The following PPAN variants were observed in gnomAD, a reference collection of about 807,000 sequenced individuals.
PPAN encodes the protein peter pan homolog.
Under a neutral mutation model 48.5 loss-of-function variants are expected in PPAN, and 39 were observed. The observed-to-expected ratio is 0.80, with a 90% CI of 0.62 to 1.05. The LOEUF (loss-of-function observed/expected upper bound fraction) is 1.05, where lower values mean the gene tolerates loss of function less well. PPAN is among the 50% of genes least tolerant of loss of function. The pLI, the probability that PPAN is intolerant of heterozygous loss-of-function variation, is 0.00. For synonymous variants in PPAN, 315 were observed against 268.6 expected, an observed-to-expected ratio of 1.17 and a Z score of -1.69; for missense variants, 736 against 661.7, an observed-to-expected ratio of 1.11 and a Z score of -1.23.
At chr19:10,108,266 C>A in intron 5 of PPAN, 132 bp downstream of exon 5, 1 of 1,327,710 alleles carries the variant, frequency 7.5e-7, no homozygotes. Context: ...GTCCTGAGGT[C>A]AAATCCCACT....
rs1374689622 is a variant in PPAN at position 10,110,960 on chromosome 19, C to G, written c.1217C>G (p.Ala406Gly). 6.2e-7 allele frequency: 1 copy of G among 1,613,394 alleles called. No individual in the cohort carries two copies. Among genetic ancestry groups the G allele is most frequent in the Admixed American group, 1.7e-5 (1 of 59,996 alleles). ...EAPSEDLFPE[A>G]KQKRLAKSPG... ...CTCCCCACAGACCTGTTCCCCGAGG[C>G]CAAGCAGAAACGGCTTGCCAAGTCT... Residue 406 changes from alanine (A) to glycine (G), a missense_variant, in exon 12 of 12, where the codon GCC becomes GGC. By Grantham distance (60) the Ala-to-Gly change is moderately conservative. Transcript: ENST00000253107. This position sits in a 1 kb window ranked among gnomAD's most constrained non-coding sequence, Gnocchi z 5.9.
chr19:10,109,877 T>G (rs1409058077), intron 6 of PPAN, 36 bp from the exon 7 acceptor site: 1 of 1,610,650 alleles, frequency 6.2e-7, no homozygotes, highest in Admixed American at 1.7e-5. Flanking sequence ...ACGTGCCCCC[T>G]GACCACCCCC....
chr19:10,107,374 C>A, intron 2 of PPAN, 131 bp from the exon 3 acceptor site: 1 of 888,168 alleles, frequency 1.1e-6, no homozygotes. Flanking sequence ...AGGCTAAGAT[C>A]CTTTTGCTCC....
rs1333941977 is a variant in PPAN at position 10,111,756 on chromosome 19, G to A, written c.*591G>A. On this transcript the variant is annotated 3_prime_UTR_variant, in exon 12 of 12. Transcript: ENST00000253107. ...AACGTCTCGGGTAAGGAGAAGGCATGTTGGCTGTCTCTGGGGGTCTGCAGA... is the reference window on the plus strand; with the variant it reads ...AACGTCTCGGGTAAGGAGAAGGCATATTGGCTGTCTCTGGGGGTCTGCAGA... The A allele has an allele frequency of 1.2e-6, 2 of 1,613,358 alleles. No individual in the cohort carries two copies. The highest frequency in any genetic ancestry group is 1.3e-5 in the African/African-American group (1 of 74,884).
Position 10,111,734 on chromosome 19 carries a change from G to GTC in PPAN, c.*572_*573dup. The GTC allele has an allele frequency of 6.2e-7, 1 of 1,613,656 alleles. No individual in the cohort carries two copies. Among genetic ancestry groups the GTC allele is most frequent in the South Asian group, 1.1e-5 (1 of 91,062 alleles). ...TCGGCACGGGAGCATGGCAGCCAAC[G>GTC]TCTCGGGTAAGGAGAAGGCATGTTG... On this transcript the variant is annotated 3_prime_UTR_variant, in exon 12 of 12. Coordinates refer to ENST00000253107, the MANE Select transcript of PPAN (RefSeq NM_020230.7).
chr19:10,109,660 C>G lies in PPAN; in HGVS notation c.543C>G (p.Leu181=). The change falls in exon 6 of 12, where the codon CTC becomes CTG. Residue 181 remains leucine, a synonymous_variant. Transcript: ENST00000253107. ...KVNLNTIKRC[L]LIDYNPDSQE... ...ACCTGAACACCATCAAGCGCTGCCTCCTCATCGACTACAACCCCGACTCCC... is the reference window on the plus strand; with the variant it reads ...ACCTGAACACCATCAAGCGCTGCCTGCTCATCGACTACAACCCCGACTCCC... The G allele has an allele frequency of 6.2e-7, 1 of 1,614,052 alleles. No individual in the cohort carries two copies. Among genetic ancestry groups the G allele is most frequent in the Non-Finnish European group, 8.5e-7 (1 of 1,179,968 alleles).
In PPAN at chr19:10,111,795, G is replaced by T; in HGVS notation, c.*630G>T. Reference sequence around the variant, plus strand: ...GGGGTCTGCAGATTGTCAGGAGGTGGGGGTAGTGGGTATTGGTAAAACACC... The same window carrying T: ...GGGGTCTGCAGATTGTCAGGAGGTGTGGGTAGTGGGTATTGGTAAAACACC... On this transcript the variant is annotated 3_prime_UTR_variant, in exon 12 of 12. Transcript: ENST00000253107. 6.2e-7 allele frequency: 1 copy of T among 1,602,722 alleles called. No individual in the cohort carries two copies. Among genetic ancestry groups the T allele is most frequent in the Non-Finnish European group, 8.5e-7 (1 of 1,171,004 alleles).
In PPAN at chr19:10,111,654, C is replaced by A; in HGVS notation, c.*489C>A. On this transcript the variant is annotated 3_prime_UTR_variant, in exon 12 of 12. Transcript: ENST00000253107. ...TGGGGCTGGGGCAGGGCCCACTAAG[C>A]CACTGGTGACTGGGGGAGGGGCTGG... 1 of 1,604,808 alleles carries A rather than the reference C, an allele frequency of 6.2e-7. No homozygotes were observed. The highest frequency in any genetic ancestry group is 8.5e-7 in the Non-Finnish European group (1 of 1,172,918).
rs771311208 is a variant in PPAN at position 10,110,630 on chromosome 19, G to A, written c.1031+16G>A. Reference sequence around the variant, plus strand: ...AGGCCCACAGGTCCAGGCAGAGCTGGGAAGGGCAGGGCCAAGGGGGGGTCC... The same window carrying A: ...AGGCCCACAGGTCCAGGCAGAGCTGAGAAGGGCAGGGCCAAGGGGGGGTCC... On this transcript the variant is annotated intron_variant, in intron 10 of 11. Transcript: ENST00000253107. The surrounding 1 kb of genome is among the most constrained non-coding windows in gnomAD (Gnocchi z 5.9). The A allele has an allele frequency of 3.1e-6, 5 of 1,608,904 alleles. No individual in the cohort carries two copies. The South Asian group carries it at 5.5e-5, about 18-fold the overall frequency.
Position 10,108,217 on chromosome 19 carries a change from C to T in PPAN, c.513+83C>T, listed in dbSNP as rs538392868. 8.6e-6 allele frequency: 13 copies of T among 1,512,484 alleles called. No homozygotes were observed. The African/African-American group carries it at 1.7e-4, about 19-fold the overall frequency. 93.7% of individuals were successfully genotyped at this position (1,512,484 alleles called of 1,614,324 possible). The stretch of plus-strand genomic sequence containing the variant: ...CAGGCCCTCAGATGGATTGCTCACT[C>T]CTCCCAGCGCTGAGACTGGGAGCTC... On this transcript the variant is annotated intron_variant, in intron 5 of 11. Transcript: ENST00000253107.
At chr19:10,106,356 A>G (rs1294183220), upstream of PPAN, 5 of 1,548,858 alleles carry the variant, frequency 3.2e-6, no homozygotes, top group African/African-American at 1.4e-5. Context: ...CAGCGCCGGA[A>G]GCGGCGGACG....
Position 10,106,565 on chromosome 19 carries a change from A to C in PPAN, c.83A>C (p.Asn28Thr). ...CGCAACCTCGAGGCCTATGCCGCGA[A>C]CCCGCACTCGTTCGTGTTCACGCGA... is the stretch of plus-strand genomic sequence containing the variant. The part of the protein sequence containing the change: ...QLRNLEAYAA[N>T]PHSFVFTRGC... The change falls in exon 2 of 12, where the codon AAC becomes ACC. Residue 28 changes from asparagine to threonine, a missense_variant. Transcript: ENST00000253107. 1 of 1,553,376 alleles carries C rather than the reference A, an allele frequency of 6.4e-7. No individual in the cohort carries two copies. Among genetic ancestry groups the C allele is most frequent in the Non-Finnish European group, 8.7e-7 (1 of 1,148,942 alleles).
rs777896314 is a variant in PPAN at position 10,107,950 on chromosome 19, C to T, written c.343-14C>T. On this transcript the variant is annotated splice_polypyrimidine_tract_variant and intron_variant, in intron 4 of 11. Coordinates refer to ENST00000253107, the MANE Select transcript of PPAN (RefSeq NM_020230.7). ...GTGGTTGGTGGTCACCCCCTCCTCT[C>T]TCCTGTCCTACAGTACTCGCTGGTG... 2.1e-5 allele frequency: 33 copies of T among 1,600,846 alleles called. No homozygotes were observed. In the South Asian group the frequency reaches 2.6e-4, roughly 12 times the overall value.
Position 10,111,079 on chromosome 19 carries a change from G to T in PPAN, c.1336G>T (p.Ala446Ser). 1 of 1,613,194 alleles carries T rather than the reference G, an allele frequency of 6.2e-7. No individual in the cohort carries two copies. The highest frequency in any genetic ancestry group is 1.7e-5 in the Admixed American group (1 of 59,964). The change falls in exon 12 of 12, where the codon GCC becomes TCC. Residue 446 changes from alanine (A) to serine (S), a missense_variant. Transcript: ENST00000253107. ...CAAGACCAAGGACAAGTCCCAGGGA[G>T]CCCAGGCCAGGCGGGGGCCCAGAGG... ...FPKTKDKSQG[A>S]QARRGPRGAS...
chr19:10,107,552 C>T lies in PPAN; in HGVS notation c.237C>T (p.Pro79=), dbSNP rs1025221964. ...AGGACTGCGTGGCAGTGGCTGGGCC[C>T]CTCGGGGTCACACACTTTCTGATCC... is the stretch of plus-strand genomic sequence containing the variant. ...SLKDCVAVAG[P]LGVTHFLILS... is the part of the protein sequence containing the mutation. Residue 79 remains proline, a synonymous_variant, in exon 3 of 12, where the codon CCC becomes CCT. Coordinates refer to ENST00000253107, the MANE Select transcript of PPAN (RefSeq NM_020230.7). 2 of 1,613,912 alleles carry T rather than the reference C, an allele frequency of 1.2e-6. No individual in the cohort carries two copies. Among genetic ancestry groups the T allele is most frequent in the Non-Finnish European group, 1.7e-6 (2 of 1,180,008 alleles).
rs964008814 is a variant in PPAN at position 10,110,964 on chromosome 19, G to A, written c.1221G>A (p.Lys407=). ...APSEDLFPEA[K]QKRLAKSPGR... is the part of the protein sequence containing the mutation. ...CCACAGACCTGTTCCCCGAGGCCAA[G>A]CAGAAACGGCTTGCCAAGTCTCCAG... Residue 407 remains lysine, a synonymous_variant, in exon 12 of 12, where the codon AAG becomes AAA. Coordinates refer to ENST00000253107, the MANE Select transcript of PPAN (RefSeq NM_020230.7). This position sits in a 1 kb window ranked among gnomAD's most constrained non-coding sequence, Gnocchi z 5.9. 19 of 1,613,336 alleles carry A rather than the reference G, an allele frequency of 1.2e-5. No homozygotes were observed. Among genetic ancestry groups the A allele is most frequent in the Non-Finnish European group, 1.5e-5 (18 of 1,179,958 alleles).
At position 10,110,350 on chromosome 19, in the gene PPAN, C is replaced by T; in HGVS notation, c.849C>T (p.Leu283=). Residue 283 remains leucine, a synonymous_variant, in exon 9 of 12, where the codon CTC becomes CTT. Transcript: ENST00000253107. This position sits in a 1 kb window ranked among gnomAD's most constrained non-coding sequence, Gnocchi z 5.9. ...TEIGPRMTLQ[L]IKVQEGVGEG... The stretch of plus-strand genomic sequence containing the variant: ...TCGGCCCGCGGATGACACTGCAGCT[C>T]ATCAAGGTCCAGGAGGGCGTCGGGG... 1 of 1,613,764 alleles carries T rather than the reference C, an allele frequency of 6.2e-7. No homozygotes were observed. The highest frequency in any genetic ancestry group is 8.5e-7 in the Non-Finnish European group (1 of 1,179,960).
At position 10,109,988 on chromosome 19, in the gene PPAN, C is replaced by T. The variant is rs1460272045; in HGVS notation, c.666C>T (p.Ser222=). The T allele has an allele frequency of 2.5e-6, 4 of 1,613,902 alleles. No individual in the cohort carries two copies. The South Asian group carries it at 3.3e-5, about 13-fold the overall frequency. ...TCCAGGAGAAGTTCCCCAACATGAGCCGCCTGCAGGACATCAGCGAGCTGC... is the reference window on the plus strand; with the variant it reads ...TCCAGGAGAAGTTCCCCAACATGAGTCGCCTGCAGGACATCAGCGAGCTGC... The part of the protein sequence containing the change: ...KLLQEKFPNM[S]RLQDISELLA... The change falls in exon 7 of 12, where the codon AGC becomes AGT. Residue 222 remains serine, a synonymous_variant. Coordinates refer to ENST00000253107, the MANE Select transcript of PPAN (RefSeq NM_020230.7).
Position 10,110,917 on chromosome 19 carries a change from G to C in PPAN, c.1202-28G>C. 1 of 1,613,146 alleles carries C rather than the reference G, an allele frequency of 6.2e-7. No individual in the cohort carries two copies. The highest frequency in any genetic ancestry group is 8.5e-7 in the Non-Finnish European group (1 of 1,179,780). Reference sequence around the variant, plus strand: ...CACCCAGAGCCTGTCCTTGTCTCTGGGGGCCCTGACACTGTCTCTCCCCAC... The same window carrying C: ...CACCCAGAGCCTGTCCTTGTCTCTGCGGGCCCTGACACTGTCTCTCCCCAC... On this transcript the variant is annotated intron_variant, in intron 11 of 11. Transcript: ENST00000253107. The surrounding 1 kb of genome is among the most constrained non-coding windows in gnomAD (Gnocchi z 5.9).
Sources: gnomAD v4.1 joint callset for allele counts on GRCh38, gnomAD v4.1.1 for gene constraint, Gnocchi (gnomAD v3.1) non-coding constraint, MANE v1.5 for transcripts, NCBI Gene and HGNC (gene_info 2026-07-23, HGNC 2026-07-21) for gene names.